Variants in TMPRSS11F observed in about 807,000 individuals in gnomAD.
TMPRSS11F encodes the protein transmembrane protease serine 11F.
A neutral mutation model predicts 60.2 loss-of-function variants in TMPRSS11F; 47 were observed. That is an observed-to-expected ratio of 0.78 (90% CI 0.62 to 1.00). TMPRSS11F has a LOEUF of 1.00. Among genes scored for constraint, TMPRSS11F ranks in the 50% least tolerant of loss-of-function variants. The pLI is 0.00. For missense variants in TMPRSS11F, 519 were observed against 522.9 expected (o/e 0.99, Z 0.07); for synonymous variants, 166 against 167.3 (o/e 0.99, Z 0.06).
rs1723385787 is a variant in TMPRSS11F, at chr4:68,068,712, G to A, written c.661C>T (p.Gln221Ter). ...GACCCTATGAGCTGGAGGCTGGCCT[G>A]CCATGGCCATTCCCCTTCCATAGCT... ...ETAMEGEWPW[Q>*]ASLQLIGSGH... is the part of the protein sequence containing the mutation. The change falls in exon 7 of 10, where the codon CAG (glutamine) becomes TAG (stop). Residue 221 changes from glutamine (Q) to a stop codon, truncating the protein, a stop_gained. Coordinates refer to ENST00000356291, the MANE Select transcript of TMPRSS11F (RefSeq NM_207407.2). LOFTEE classifies it high-confidence loss of function. 3 of 1,614,040 alleles carry A rather than the reference G, an allele frequency of 1.9e-6. No homozygotes were observed. Among genetic ancestry groups the A allele is most frequent in the African/African-American group, 2.7e-5 (2 of 74,930 alleles).
At chr4:68,089,868 A>G (rs1723888195) in intron 3 of TMPRSS11F, among the ~76,000 whole-genome samples, 1 of 152,102 alleles carries the variant, frequency 6.6e-6, no homozygotes, top group African/African-American at 2.4e-5. Flanking sequence ...AATAACTCTT[A>G]TAAGTTTAAA....
Position 68,083,664 on chromosome 4 carries a change from T to C in TMPRSS11F, c.282+6859A>G, listed in dbSNP as rs567011366. ...AAATGTCAAGGGAAATAAATAATAA[T>C]AATAAAAAAAGCCCCATTCAAACGA... is the stretch of plus-strand genomic sequence containing the variant. On this transcript the variant is annotated intron_variant, in intron 3 of 9. Transcript: ENST00000356291. Among the ~76,000 whole-genome samples, 14 of 150,446 alleles carry C rather than the reference T, an allele frequency of 9.3e-5. No individual in the cohort carries two copies. The South Asian group carries it at 2.9e-3, about 31-fold the overall frequency.
At chr4:68,070,628 C>T (rs916989635) in intron 5 of TMPRSS11F, among the ~76,000 whole-genome samples, 1 of 152,232 alleles carries the variant, frequency 6.6e-6, no homozygotes, top group African/African-American at 2.4e-5. Context: ...AGTCCAGAGA[C>T]TCCAGCCATA....
Position 68,072,230 on chromosome 4 carries a change from A to AATGTATAT in TMPRSS11F, c.514+92_514+93insATATACAT, listed in dbSNP as rs1553885922. On this transcript the variant is annotated intron_variant, in intron 5 of 9. Transcript: ENST00000356291. The stretch of plus-strand genomic sequence containing the variant: ...ATATATATATATCTTCCAAAAAAAA[A>AATGTATAT]ATATATATATATATATATATTGCTT... 4 of 92,788 alleles carry AATGTATAT rather than the reference A, an allele frequency of 4.3e-5. No individual in the cohort carries two copies. In the East Asian group the frequency reaches 1.5e-3, roughly 35 times the overall value. 5.7% of individuals were successfully genotyped at this position (92,788 alleles called of 1,614,324 possible).
At chr4:68,075,865 C>A (rs550796596) in intron 3 of TMPRSS11F, among the ~76,000 whole-genome samples, 1 of 151,714 alleles carries the variant, frequency 6.6e-6, no homozygotes, top group East Asian at 1.9e-4. Context: ...TGGTGGTAGG[C>A]GCCTGTAGTC....
At chr4:68,114,909 A>G (rs777254622) in intron 1 of TMPRSS11F, among the ~76,000 whole-genome samples, 9 of 151,574 alleles carry the variant, frequency 5.9e-5, no homozygotes, top group Non-Finnish European at 8.8e-5. Context: ...AAAACAAAAC[A>G]GAAACAAAAA....
intron 9 of TMPRSS11F, among the ~76,000 whole-genome samples, chr4:68,058,322 T>C (rs1237463812): frequency 4.6e-5 from 7 of 152,218 alleles, no homozygotes; most frequent in Admixed American, 4.6e-4. Context: ...AAATGTCACA[T>C]TGTACTCCAT....
intron 3 of TMPRSS11F, among the ~76,000 whole-genome samples, chr4:68,078,083 G>A (rs187259628): frequency 1.3e-5 from 2 of 152,286 alleles, no homozygotes; most frequent in East Asian, 1.9e-4. Flanking sequence ...CCAGGAAGCG[G>A]TGGATGGTCC....
intron 1 of TMPRSS11F, among the ~76,000 whole-genome samples, chr4:68,119,176 G>A (rs971876426): frequency 2.0e-5 from 3 of 152,040 alleles, no homozygotes; most frequent in Non-Finnish European, 2.9e-5. Context: ...CCAAAGCAAG[G>A]CCCTAACTCT....
At chr4:68,114,443 G>A (rs1399732951) in intron 1 of TMPRSS11F, among the ~76,000 whole-genome samples, 1 of 151,982 alleles carries the variant, frequency 6.6e-6, no homozygotes, top group Admixed American at 6.6e-5. Flanking sequence ...ATAACATTAT[G>A]CCAATAAATT....
chr4:68,113,240 G>A (rs1460681872), intron 1 of TMPRSS11F, among the ~76,000 whole-genome samples: 1 of 152,116 alleles, frequency 6.6e-6, no homozygotes, highest in Non-Finnish European at 1.5e-5. Context: ...TGGAGAAAAG[G>A]CTATTCTTGT....
intron 3 of TMPRSS11F, among the ~76,000 whole-genome samples, chr4:68,079,069 G>C (rs1723642742): frequency 6.7e-6 from 1 of 148,376 alleles, no homozygotes; most frequent in Non-Finnish European, 1.5e-5. Context: ...GGCATATTCT[G>C]GTATAGTACA....
At chr4:68,110,623 G>A (rs1423217927) in intron 1 of TMPRSS11F, among the ~76,000 whole-genome samples, 1 of 152,016 alleles carries the variant, frequency 6.6e-6, no homozygotes, top group Non-Finnish European at 1.5e-5. Flanking sequence ...TTTTACCTCA[G>A]TTTTTTCATC....
chr4:68,078,285 T>A (rs975724562), intron 3 of TMPRSS11F, among the ~76,000 whole-genome samples: 2 of 152,114 alleles, frequency 1.3e-5, no homozygotes, highest in African/African-American at 4.8e-5. Flanking sequence ...TTCCTACAAC[T>A]TTTTTCCCCC....
intron 8 of TMPRSS11F, chr4:68,061,866 C>T (rs368639726): frequency 4.7e-6 from 2 of 427,392 alleles, no homozygotes; most frequent in Non-Finnish European, 9.2e-6. Flanking sequence ...TTGGATCAGG[C>T]AAAAGCAGAA....
Position 68,099,112 on chromosome 4 carries a change from C to T in TMPRSS11F, c.12-74G>A. ...AACTTTATGTTTACTTACTATGTTC[C>T]TCTATGAAAATAGTTTATACTGCTA... On this transcript the variant is annotated intron_variant, in intron 1 of 9. Coordinates refer to ENST00000356291, the MANE Select transcript of TMPRSS11F (RefSeq NM_207407.2). 14 of 1,308,966 alleles carry T rather than the reference C, an allele frequency of 1.1e-5. No individual in the cohort carries two copies. The South Asian group carries it at 1.6e-4, about 15-fold the overall frequency. The allele number at this position is 1,308,966 out of a possible 1,614,324, so 81.1% of individuals were successfully genotyped here.
intron 9 of TMPRSS11F, among the ~76,000 whole-genome samples, chr4:68,058,751 G>A (rs1465845404): frequency 1.3e-5 from 2 of 152,212 alleles, no homozygotes; most frequent in Non-Finnish European, 2.9e-5. Context: ...AACATAGTAA[G>A]TGTATATAGG....
intron 1 of TMPRSS11F, among the ~76,000 whole-genome samples, chr4:68,101,451 TAAAAC>T (rs67922849): frequency 0.3 from 46,230 of 151,638 alleles, 7,099 homozygotes; most frequent in East Asian, 0.48. Context: ...GCATAATAAA[TAAAAC>T]AAAATATATT....
At chr4:68,068,596 A>G (rs765235123) in intron 7 of TMPRSS11F, 22 bp downstream of exon 7, 1 of 1,605,610 alleles carries the variant, frequency 6.2e-7, no homozygotes, top group Non-Finnish European at 8.5e-7. Context: ...AAGAAGGCTC[A>G]CAGCAGCCTT....
Sources: gnomAD v4.1 joint callset for allele counts (sites outside exome capture counted in the v4.1 genomes callset) on GRCh38, gnomAD v4.1.1 for gene constraint, MANE v1.5 for transcripts, NCBI Gene and HGNC (gene_info 2026-07-23, HGNC 2026-07-21) for gene names.